The following RBMS3 variants were observed in gnomAD, a reference collection of about 807,000 sequenced individuals.
RBMS3 encodes RNA-binding motif, single-stranded-interacting protein 3.
RBMS3 carries 27 observed loss-of-function variants against 66.8 expected under a neutral mutation model. The observed-to-expected ratio is 0.40, with a 90% confidence interval of 0.30 to 0.56. The LOEUF (loss-of-function observed/expected upper bound fraction) is 0.56. Ranked by LOEUF, RBMS3 falls within the 20% of genes least tolerant of loss-of-function variation. The pLI, the probability that RBMS3 is intolerant of heterozygous loss-of-function variation, is 0.40. For missense variants in RBMS3, 513 were observed against 549.5 expected (o/e 0.93, Z 0.66); for synonymous variants, 188 against 183.0 (o/e 1.03, Z -0.22).
chr3:29,302,265 G>T (rs991606642), intron 1 of RBMS3, among the ~76,000 whole-genome samples: 1 of 151,886 alleles, frequency 6.6e-6, no homozygotes, highest in African/African-American at 2.4e-5. Context: ...TCCCACCTCG[G>T]CCTCCCAAAG....
At chr3:29,802,048 A>T (rs1368176699) in intron 6 of RBMS3, among the ~76,000 whole-genome samples, 1 of 152,146 alleles carries the variant, frequency 6.6e-6, no homozygotes, top group Non-Finnish European at 1.5e-5. Context: ...TTGAGAGACC[A>T]TATGTATTTT....
rs1349804745 is a variant in RBMS3, at chr3:29,281,294, G to T, written c.-388G>T. On this transcript the variant is annotated 5_prime_UTR_variant, in exon 1 of 15. Coordinates refer to ENST00000383767, the MANE Select transcript of RBMS3 (RefSeq NM_001003793.3). ...AGCTGATCTGCAAGGATTCGGAGTT[G>T]TGCTAAAAGGACTTTGATTTTTTTC... The T allele has an allele frequency of 1.2e-5, 2 of 165,892 alleles. No individual in the cohort carries two copies. The highest frequency in any genetic ancestry group is 2.2e-5 in the Non-Finnish European group (2 of 89,916). The allele number at this position is 165,892 out of a possible 1,614,324, so 10.3% of individuals were successfully genotyped here.
intron 6 of RBMS3, among the ~76,000 whole-genome samples, chr3:29,793,549 T>G (rs569971387): frequency 6.6e-6 from 1 of 152,362 alleles, no homozygotes; most frequent in South Asian, 2.1e-4. Flanking sequence ...TAATGATGCC[T>G]GATCTTATTT....
At chr3:29,419,713 A>G (rs1458257112) in intron 1 of RBMS3, among the ~76,000 whole-genome samples, 5 of 152,182 alleles carry the variant, frequency 3.3e-5, no homozygotes, top group African/African-American at 9.7e-5. Context: ...ATTATTCGCC[A>G]AAGTGTTGGG....
At chr3:29,697,253 G>T (rs887222871) in intron 4 of RBMS3, among the ~76,000 whole-genome samples, 3 of 152,010 alleles carry the variant, frequency 2.0e-5, no homozygotes, top group African/African-American at 7.2e-5. Context: ...ATGTAGTTTT[G>T]GTAAAGAAAA....
intron 12 of RBMS3, among the ~76,000 whole-genome samples, chr3:29,979,173 C>T (rs1421186663): frequency 1.3e-5 from 2 of 151,632 alleles, no homozygotes; most frequent in East Asian, 3.9e-4. Context: ...ACAACAACAA[C>T]AACAACAACA....
At chr3:29,724,979 A>T (rs772006747) in intron 4 of RBMS3, among the ~76,000 whole-genome samples, 8 of 152,178 alleles carry the variant, frequency 5.3e-5, no homozygotes, top group Non-Finnish European at 1.0e-4. Flanking sequence ...CTAGAAGATG[A>T]AAAAACTATT....
At chr3:29,686,504 A>G (rs1334173861) in intron 4 of RBMS3, among the ~76,000 whole-genome samples, 4 of 152,128 alleles carry the variant, frequency 2.6e-5, no homozygotes, top group Admixed American at 6.5e-5. Flanking sequence ...GGGTATCATA[A>G]GAGACCCCAT....
chr3:29,807,892 C>G (rs2057607908), intron 6 of RBMS3, among the ~76,000 whole-genome samples: 2 of 151,706 alleles, frequency 1.3e-5, no homozygotes, highest in African/African-American at 4.8e-5. Context: ...CTTTTTTCCT[C>G]CAGCTTAACC....
intron 6 of RBMS3, among the ~76,000 whole-genome samples, chr3:29,782,674 C>T (rs2056679359): frequency 6.6e-6 from 1 of 152,126 alleles, no homozygotes; most frequent in South Asian, 2.1e-4. Context: ...GAATCCAAAA[C>T]AAGACAAAAT....
intron 4 of RBMS3, among the ~76,000 whole-genome samples, chr3:29,647,984 C>G (rs2049997721): frequency 6.6e-6 from 1 of 152,090 alleles, no homozygotes; most frequent in South Asian, 2.1e-4. Context: ...TCCTGAAAGA[C>G]TTCATGTTCT....
intron 4 of RBMS3, among the ~76,000 whole-genome samples, chr3:29,685,145 G>A (rs1005643057): frequency 8.5e-5 from 13 of 152,096 alleles, no homozygotes; most frequent in African/African-American, 2.6e-4. Context: ...TGCAAGCTCC[G>A]CCTCCCGGGT....
At chr3:29,306,277 C>T (rs1027510331) in intron 1 of RBMS3, among the ~76,000 whole-genome samples, 2 of 151,928 alleles carry the variant, frequency 1.3e-5, no homozygotes, top group Admixed American at 1.3e-4. Context: ...TTGACTCAAT[C>T]TAGGAATAGC....
At chr3:29,994,941 G>C (rs1410833282) in intron 14 of RBMS3, among the ~76,000 whole-genome samples, 1 of 152,350 alleles carries the variant, frequency 6.6e-6, no homozygotes, top group Admixed American at 6.5e-5. Flanking sequence ...TTGACGAGCT[G>C]AGAGAAGAAG....
At chr3:29,301,574 TG>T (rs1316945752) in intron 1 of RBMS3, among the ~76,000 whole-genome samples, 3 of 152,012 alleles carry the variant, frequency 2.0e-5, no homozygotes, top group Admixed American at 2.0e-4. Context: ...TACCCAGTTT[TG>T]AGGAGTTTTT....
At chr3:29,698,872 A>C (rs2052402080) in intron 4 of RBMS3, among the ~76,000 whole-genome samples, 1 of 152,220 alleles carries the variant, frequency 6.6e-6, no homozygotes, top group Non-Finnish European at 1.5e-5. Flanking sequence ...TAAAATATTT[A>C]TCACCATTTA....
At chr3:29,738,276 T>C (rs188475786) in intron 4 of RBMS3, among the ~76,000 whole-genome samples, 1 of 152,312 alleles carries the variant, frequency 6.6e-6, no homozygotes, top group African/African-American at 2.4e-5. Context: ...CATAATACCA[T>C]TTTCTATAGA....
chr3:29,938,217 A>T (rs1356331479), intron 11 of RBMS3, among the ~76,000 whole-genome samples: 2 of 152,132 alleles, frequency 1.3e-5, no homozygotes, highest in East Asian at 3.9e-4. Context: ...AACATATATT[A>T]TGATTTTGTA....
intron 1 of RBMS3, among the ~76,000 whole-genome samples, chr3:29,394,963 C>A (rs9844602): frequency 1.3e-5 from 2 of 151,966 alleles, no homozygotes; most frequent in African/African-American, 4.8e-5. Context: ...AAAGTTCAAT[C>A]GAGTCTGCTC....
Sources: gnomAD v4.1 joint callset for allele counts (sites outside exome capture counted in the v4.1 genomes callset) on GRCh38, gnomAD v4.1.1 for gene constraint, MANE v1.5 for transcripts, NCBI Gene and HGNC (gene_info 2026-07-23, HGNC 2026-07-21) for gene names.